NEK4: variants seen among roughly 807,000 people sequenced by gnomAD.
The protein encoded by NEK4 is NIMA related kinase 4.
Under a neutral mutation model 98.4 loss-of-function variants are expected in NEK4, and 86 were observed. The ratio of observed to expected loss-of-function variants is 0.87; its 90% CI spans 0.73 to 1.05. The LOEUF (loss-of-function observed/expected upper bound fraction) is 1.05, where lower values mean the gene tolerates loss of function less well. NEK4 is among the 50% of genes least tolerant of loss of function. The probability of loss-of-function intolerance (pLI) is 0.00; values close to 1 mark genes in which losing one functional copy is unlikely to be tolerated. For missense variants in NEK4, 898 were observed against 950.3 expected, an observed-to-expected ratio of 0.94 and a Z score of 0.72; for synonymous variants, 328 against 342.2, an observed-to-expected ratio of 0.96 and a Z score of 0.46.
chr3:52,764,406 T>C (rs940183922), intron 4 of NEK4, among the ~76,000 whole-genome samples: 1 of 143,162 alleles, frequency 7.0e-6, no homozygotes, highest in Non-Finnish European at 1.5e-5. Context: ...CCGAGGCGGG[T>C]GGATCATGAG....
Position 52,746,109 on chromosome 3 carries a change from G to A in NEK4, c.1779C>T (p.Val593=). 1 of 1,614,124 alleles carries A rather than the reference G, an allele frequency of 6.2e-7. No homozygotes were observed. The highest frequency in any genetic ancestry group is 8.5e-7 in the Non-Finnish European group (1 of 1,179,986). The change falls in exon 10 of 16, where the codon GTC becomes GTT. Residue 593 remains valine, a synonymous_variant. Coordinates refer to ENST00000233027, the MANE Select transcript of NEK4 (RefSeq NM_003157.6). ...QKEAENQRRV[V]TGSVSSSRSS... is the part of the protein sequence containing the mutation. The stretch of plus-strand genomic sequence containing the variant: ...TCCTTGAACTGCTCACAGACCCAGT[G>A]ACCACTCTACGTTGGTTTTCAGCCT...
rs1004832201 is a variant in NEK4, at chr3:52,768,233, A to G, written c.360+105T>C. 4 of 1,051,476 alleles carry G rather than the reference A, an allele frequency of 3.8e-6. No individual in the cohort carries two copies. In the South Asian group the frequency reaches 6.5e-5, roughly 17 times the overall value. 65.1% of individuals were successfully genotyped at this position (1,051,476 alleles called of 1,614,324 possible). Reference sequence around the variant, plus strand: ...ACTTCACAAATGAATTTTCCAAAAAATACATTTCTATATGTAAGTATCTGA... The same window carrying G: ...ACTTCACAAATGAATTTTCCAAAAAGTACATTTCTATATGTAAGTATCTGA... On this transcript the variant is annotated intron_variant, in intron 2 of 15. Transcript: ENST00000233027.
At chr3:52,723,979 T>A (rs956874811) in intron 15 of NEK4, among the ~76,000 whole-genome samples, 1 of 152,168 alleles carries the variant, frequency 6.6e-6, no homozygotes, top group African/African-American at 2.4e-5. Flanking sequence ...ACACCTGCTA[T>A]CCTAGCATTT....
At chr3:52,733,012 CA>C in intron 15 of NEK4, 2 of 211,790 alleles carry the variant, frequency 9.4e-6, no homozygotes, top group Admixed American at 4.5e-5. Flanking sequence ...TCCACCACTT[CA>C]AAAAAATTCT....
chr3:52,741,203 TC>T (rs2097385321), intron 13 of NEK4, among the ~76,000 whole-genome samples: 1 of 127,820 alleles, frequency 7.8e-6, no homozygotes, highest in Non-Finnish European at 1.5e-5. Flanking sequence ...GCCACTGCAC[TC>T]CAGCCTGGGC....
At chr3:52,762,228 T>G (rs1698383678) in intron 5 of NEK4, among the ~76,000 whole-genome samples, 1 of 152,238 alleles carries the variant, frequency 6.6e-6, no homozygotes, top group African/African-American at 2.4e-5. Context: ...GGGAAGTTAA[T>G]GTGAATGAAG....
At position 52,770,781 on chromosome 3, in the gene NEK4, G is replaced by T. The variant is rs1435932034; in HGVS notation, c.-35C>A. On this transcript the variant is annotated 5_prime_UTR_variant, in exon 1 of 16. Transcript: ENST00000233027. The stretch of plus-strand genomic sequence containing the variant: ...GCTGGCCCAGAGTCGGGATGCGGCG[G>T]CAGCGGCGGGTAGGGCAGCGGGCGG... The T allele has an allele frequency of 1.3e-6, 2 of 1,530,496 alleles. No homozygotes were observed. Among genetic ancestry groups the T allele is most frequent in the Non-Finnish European group, 8.8e-7 (1 of 1,133,216 alleles). The allele number at this position is 1,530,496 out of a possible 1,614,324, so 94.8% of individuals were successfully genotyped here.
At chr3:52,736,526 C>G (rs1040011879) in intron 15 of NEK4, among the ~76,000 whole-genome samples, 4 of 150,616 alleles carry the variant, frequency 2.7e-5, no homozygotes, top group African/African-American at 9.8e-5. Flanking sequence ...GCAGAGCTTA[C>G]AGTGAGCTGA....
At chr3:52,726,711 G>T (rs928714702) in intron 15 of NEK4, among the ~76,000 whole-genome samples, 2 of 151,548 alleles carry the variant, frequency 1.3e-5, no homozygotes, top group African/African-American at 2.4e-5. Flanking sequence ...TTCAAGACCT[G>T]CCTGGCCAAG....
rs1455910973 is a variant in NEK4, at chr3:52,751,949, GT to G, written c.1350del (p.Glu450AspfsTer42). On this transcript the variant is annotated frameshift_variant, in exon 7 of 16. Coordinates refer to ENST00000233027, the MANE Select transcript of NEK4 (RefSeq NM_003157.6). LOFTEE classifies it high-confidence loss of function. ...PVKPLQPLIK[E>X]QKPKDQSLAL... ...TCACTCACCTGGTCCTTTGGCTTTTGTTCTTTGATTAGGGGCTGCAGAGGCT... is the reference window on the plus strand; with the variant it reads ...TCACTCACCTGGTCCTTTGGCTTTTGTCTTTGATTAGGGGCTGCAGAGGCT... 6.2e-7 allele frequency: 1 copy of G among 1,613,364 alleles called. No individual in the cohort carries two copies. Among genetic ancestry groups the G allele is most frequent in the African/African-American group, 1.3e-5 (1 of 74,954 alleles).
At chr3:52,762,814 G>A (rs1698406028) in intron 5 of NEK4, among the ~76,000 whole-genome samples, 2 of 152,046 alleles carry the variant, frequency 1.3e-5, no homozygotes, top group South Asian at 2.1e-4. Context: ...CCGGGAGGCG[G>A]AGGTTGCAGT....
At chr3:52,748,393 C>T (rs2097400000) in intron 8 of NEK4, among the ~76,000 whole-genome samples, 1 of 152,088 alleles carries the variant, frequency 6.6e-6, no homozygotes, top group South Asian at 2.1e-4. Flanking sequence ...ATTTTTTTCT[C>T]TTCCTCCAAA....
At chr3:52,759,105 G>GAAAAAAA (rs201147041) in intron 6 of NEK4, among the ~76,000 whole-genome samples, 4 of 112,578 alleles carry the variant, frequency 3.6e-5, no homozygotes, top group Non-Finnish European at 5.4e-5. Flanking sequence ...AAAGAAAAAA[G>GAAAAAAA]AAAAAAAAAA....
At chr3:52,766,485 A>C (rs1578709176) in intron 2 of NEK4, 110 bp from the exon 3 acceptor site, 1 of 721,602 alleles carries the variant, frequency 1.4e-6, no homozygotes, top group East Asian at 2.7e-5. Flanking sequence ...TTTGACCGTA[A>C]AGAGTAACCA....
chr3:52,746,798 T>C lies in NEK4; in HGVS notation c.1613A>G (p.Gln538Arg), dbSNP rs149958844. The C allele has an allele frequency of 3.1e-5, 50 of 1,614,054 alleles. No homozygotes were observed. Among genetic ancestry groups the C allele is most frequent in the African/African-American group, 8.0e-5 (6 of 74,930 alleles). The change falls in exon 9 of 16, where the codon CAA becomes CGA. Residue 538 changes from glutamine to arginine, a missense_variant. Transcript: ENST00000233027. Reference sequence around the variant, plus strand: ...GTGCTCAGTCTGTTCTCTCCTCTTTTGCCGTCGCTGTCGAGACAGGGAAGG... The same window carrying C: ...GTGCTCAGTCTGTTCTCTCCTCTTTCGCCGTCGCTGTCGAGACAGGGAAGG... ...SEPSLSRQRR[Q>R]KRREQTEHRG...
intron 11 of NEK4, among the ~76,000 whole-genome samples, 156 bp downstream of exon 11, chr3:52,744,083 A>G (rs2097391345): frequency 6.6e-6 from 1 of 152,182 alleles, no homozygotes; most frequent in Non-Finnish European, 1.5e-5. Flanking sequence ...TTCTTAAAAG[A>G]CTTGACTAAG....
At chr3:52,724,970 T>A (rs1273945172) in intron 15 of NEK4, among the ~76,000 whole-genome samples, 1 of 152,172 alleles carries the variant, frequency 6.6e-6, no homozygotes, top group Non-Finnish European at 1.5e-5. Flanking sequence ...AAAAATATAT[T>A]TGTAAAAGAA....
rs534275346 is a variant in NEK4 at position 52,711,860 on chromosome 3, G to A, written c.2443C>T (p.Arg815Trp). ...GTATACTTTTCACCCATGTGCTCCC[G>A]CAAACGTACCTATTTGAGAAACAAA... ...EDEFDREVRL[R>W]EHMGEKYTTY... Residue 815 changes from arginine (R) to tryptophan (W), a missense_variant, in exon 16 of 16, where the codon CGG becomes TGG. Coordinates refer to ENST00000233027, the MANE Select transcript of NEK4 (RefSeq NM_003157.6). 2.4e-5 allele frequency: 38 copies of A among 1,589,652 alleles called. No homozygotes were observed. Among genetic ancestry groups the A allele is most frequent in the Admixed American group, 1.2e-4 (7 of 58,856 alleles).
intron 5 of NEK4, among the ~76,000 whole-genome samples, chr3:52,762,698 T>A (rs1010269910): frequency 6.6e-6 from 1 of 152,158 alleles, no homozygotes; most frequent in Admixed American, 6.6e-5. Context: ...CTGGCCAACA[T>A]GGGGAAACCC....
Sources: gnomAD v4.1 joint callset for allele counts (sites outside exome capture counted in the v4.1 genomes callset) on GRCh38, gnomAD v4.1.1 for gene constraint, MANE v1.5 for transcripts, NCBI Gene and HGNC (gene_info 2026-07-23, HGNC 2026-07-21) for gene names.